Variants in TULP4 observed in about 807,000 individuals in gnomAD.
The protein encoded by TULP4 is TUB like protein 4, also known as tubby-related protein 4.
Under a neutral mutation model 129.0 loss-of-function variants are expected in TULP4, and 16 were observed. The observed-to-expected ratio is 0.12, with a 90% CI of 0.08 to 0.19. The LOEUF (loss-of-function observed/expected upper bound fraction) is 0.19. Ranked by LOEUF, TULP4 falls within the 10% of genes least tolerant of loss-of-function variation. The probability of loss-of-function intolerance (pLI) is 1.00; values close to 1 mark genes in which losing one functional copy is unlikely to be tolerated. For missense variants in TULP4, 1,842 were observed against 2,059.1 expected, an observed-to-expected ratio of 0.89 and a Z score of 2.04; for synonymous variants, 998 against 854.0, an observed-to-expected ratio of 1.17 and a Z score of -2.94.
At chr6:158,499,815 A>G (rs1432573630) in intron 12 of TULP4, among the ~76,000 whole-genome samples, 1 of 151,942 alleles carries the variant, frequency 6.6e-6, no homozygotes, top group Non-Finnish European at 1.5e-5. Context: ...AGAGTTGTTT[A>G]CCTTCTCTCA....
At chr6:158,344,875 C>G (rs1175884505) in intron 1 of TULP4, among the ~76,000 whole-genome samples, 1 of 152,120 alleles carries the variant, frequency 6.6e-6, no homozygotes. Flanking sequence ...CCTCTTGAGC[C>G]AAACTGTTAG....
At chr6:158,237,502 T>G (rs1777736719) in intron 1 of TULP4, 1 of 1,552,108 alleles carries the variant, frequency 6.4e-7, no homozygotes, top group African/African-American at 1.4e-5. Flanking sequence ...ACTCACAGTT[T>G]TTCTGGCATC....
intron 1 of TULP4, among the ~76,000 whole-genome samples, chr6:158,336,930 T>C (rs751354734): frequency 6.6e-6 from 1 of 152,148 alleles, no homozygotes; most frequent in East Asian, 1.9e-4. Flanking sequence ...TTGCTCAGAA[T>C]AGAATCCAAG....
chr6:158,318,037 C>A (rs550797475), intron 1 of TULP4, among the ~76,000 whole-genome samples: 2 of 152,146 alleles, frequency 1.3e-5, no homozygotes. Flanking sequence ...TGTTTAAGTT[C>A]TTTGTAGATT....
At chr6:158,441,568 G>A (rs1268092708) in intron 3 of TULP4, among the ~76,000 whole-genome samples, 1 of 152,170 alleles carries the variant, frequency 6.6e-6, no homozygotes, top group African/African-American at 2.4e-5. Flanking sequence ...CTGCTCTACA[G>A]CCCCTGACCT....
chr6:158,279,676 G>C (rs1778713758), upstream of TULP4, among the ~76,000 whole-genome samples: 1 of 152,204 alleles, frequency 6.6e-6, no homozygotes, highest in Admixed American at 6.5e-5. Flanking sequence ...TCCCAGGCCA[G>C]CCATTTGACG....
chr6:158,357,708 T>A, intron 1 of TULP4, among the ~76,000 whole-genome samples: 1 of 152,210 alleles, frequency 6.6e-6, no homozygotes, highest in East Asian at 1.9e-4. Flanking sequence ...TGCCCCAAGG[T>A]CCCTACACCA....
intron 1 of TULP4, among the ~76,000 whole-genome samples, chr6:158,325,677 T>C (rs558598784): frequency 6.6e-6 from 1 of 152,294 alleles, no homozygotes; most frequent in Admixed American, 6.5e-5. Context: ...TTTAAATGTC[T>C]TAGGAATTCT....
intron 1 of TULP4, among the ~76,000 whole-genome samples, chr6:158,412,786 G>A (rs946068432): frequency 5.1e-4 from 77 of 152,146 alleles, no homozygotes; most frequent in African/African-American, 1.8e-3. Context: ...TGAGAGGCAG[G>A]TGCTGGGTGC....
upstream of TULP4, among the ~76,000 whole-genome samples, chr6:158,311,454 G>C (rs2128482047): frequency 6.6e-6 from 1 of 152,320 alleles, no homozygotes; most frequent in East Asian, 1.9e-4. Context: ...GCAGTAGGAA[G>C]AAGATGGAAT....
chr6:158,500,827 A>C (rs1246315855), intron 12 of TULP4, among the ~76,000 whole-genome samples: 3 of 152,200 alleles, frequency 2.0e-5, no homozygotes, highest in Non-Finnish European at 4.4e-5. Context: ...GCCCTTTGGG[A>C]GGCGAGGTGG....
At chr6:158,279,999 G>A (rs889269280), upstream of TULP4, among the ~76,000 whole-genome samples, 2 of 152,226 alleles carry the variant, frequency 1.3e-5, no homozygotes, top group South Asian at 2.1e-4. Context: ...GATGCACCAC[G>A]GTAGACGTGA....
Position 158,481,219 on chromosome 6 carries a change from C to T in TULP4, c.1416C>T (p.Leu472=). The T allele has an allele frequency of 1.2e-6, 2 of 1,614,242 alleles. No individual in the cohort carries two copies. Among genetic ancestry groups the T allele is most frequent in the Non-Finnish European group, 1.7e-6 (2 of 1,180,042 alleles). Reference sequence around the variant, plus strand: ...ACCTGGGCGGGCTTGTGCCCATCCTCAAAGGGCGGCGCATCAGCAAGCTGC... The same window carrying T: ...ACCTGGGCGGGCTTGTGCCCATCCTTAAAGGGCGGCGCATCAGCAAGCTGC... ...LEYLGGLVPI[L]KGRRISKLRP... Residue 472 remains leucine (L), a synonymous_variant, in exon 8 of 14, where the codon CTC becomes CTT. Coordinates refer to ENST00000367097, the MANE Select transcript of TULP4 (RefSeq NM_020245.5).
chr6:158,386,624 A>G (rs534799443), intron 1 of TULP4, among the ~76,000 whole-genome samples: 77 of 152,346 alleles, frequency 5.1e-4, no homozygotes, highest in African/African-American at 1.7e-3. Flanking sequence ...GTAATTTAAT[A>G]TAGTCACAGA....
At chr6:158,347,139 G>T (rs1383245263) in intron 1 of TULP4, among the ~76,000 whole-genome samples, 3 of 152,146 alleles carry the variant, frequency 2.0e-5, no homozygotes, top group Non-Finnish European at 4.4e-5. Flanking sequence ...GATCTTAAGG[G>T]CATTATTGGA....
chr6:158,382,991 G>A (rs1014928237), intron 1 of TULP4, among the ~76,000 whole-genome samples: 4 of 152,206 alleles, frequency 2.6e-5, no homozygotes, highest in Non-Finnish European at 5.9e-5. Flanking sequence ...GCCAAAAATG[G>A]AATGAGAACT....
intron 1 of TULP4, among the ~76,000 whole-genome samples, chr6:158,323,620 A>AT (rs373213804): frequency 6.6e-5 from 10 of 152,184 alleles, no homozygotes; most frequent in African/African-American, 2.4e-4. Context: ...GGTGCATTGA[A>AT]TACAGAGAGG....
intron 1 of TULP4, among the ~76,000 whole-genome samples, chr6:158,294,595 G>T (rs1194965202): frequency 1.3e-5 from 2 of 152,152 alleles, no homozygotes; most frequent in Admixed American, 1.3e-4. Context: ...AGGTAGCAGA[G>T]TCAGCCTCCC....
intron 1 of TULP4, among the ~76,000 whole-genome samples, chr6:158,398,126 AT>A (rs777916205): frequency 8.5e-5 from 13 of 152,198 alleles, no homozygotes; most frequent in Non-Finnish European, 1.6e-4. Flanking sequence ...CCATAAAACA[AT>A]AGGTCTGTGC....
Sources: allele counts gnomAD v4.1 joint callset (sites outside exome capture counted in the v4.1 genomes callset), GRCh38; gene constraint gnomAD v4.1.1; transcripts MANE v1.5; gene names NCBI Gene and HGNC (gene_info 2026-07-23, HGNC 2026-07-21).